The following SPIDR variants were observed in gnomAD, a reference collection of about 807,000 sequenced individuals.
SPIDR encodes scaffold protein involved in DNA repair.
In SPIDR, 93 loss-of-function variants were observed where a neutral mutation model predicts 104.6. The ratio of observed to expected loss-of-function variants is 0.89; its 90% CI spans 0.75 to 1.06. The LOEUF is 1.06. Ranked by LOEUF, SPIDR falls within the 50% of genes least tolerant of loss-of-function variation. The pLI is 0.00. For missense variants in SPIDR, 1,154 were observed against 1,111.2 expected (o/e 1.04, Z -0.55); for synonymous variants, 431 against 416.9 (o/e 1.03, Z -0.41).
chr8:47,601,035 A>G (rs1044773896), intron 10 of SPIDR, among the ~76,000 whole-genome samples: 2 of 152,236 alleles, frequency 1.3e-5, no homozygotes, highest in African/African-American at 4.8e-5. Context: ...AGAAGCTAAA[A>G]TCTGGTGAAA....
chr8:47,280,153 G>T, intron 2 of SPIDR, 136 bp downstream of exon 2: 1 of 741,826 alleles, frequency 1.3e-6, no homozygotes, highest in South Asian at 4.8e-5. Flanking sequence ...TCCTTTTCTT[G>T]CCTTTCATTC....
chr8:47,487,756 C>T (rs1318659301), intron 8 of SPIDR, among the ~76,000 whole-genome samples: 1 of 152,180 alleles, frequency 6.6e-6, no homozygotes, highest in Non-Finnish European at 1.5e-5. Flanking sequence ...TGAATGACTA[C>T]TGGGTACATA....
At chr8:47,307,870 A>T (rs1252461948) in intron 5 of SPIDR, among the ~76,000 whole-genome samples, 1 of 152,128 alleles carries the variant, frequency 6.6e-6, no homozygotes, top group Non-Finnish European at 1.5e-5. Context: ...AACAGTTGTC[A>T]TAAAGTCTTT....
At chr8:47,572,870 G>A (rs931902146) in intron 8 of SPIDR, among the ~76,000 whole-genome samples, 1 of 152,014 alleles carries the variant, frequency 6.6e-6, no homozygotes, top group Non-Finnish European at 1.5e-5. Context: ...TGGACCAGGG[G>A]CAGTGCCGCT....
Position 47,295,555 on chromosome 8 carries a change from A to G in SPIDR, c.525+1525A>G, listed in dbSNP as rs1408352908. ...CCCCATGTAAGTAAGATCATGCTGT[A>G]TTTGTCTTTGTGTGCCTGGCTTATC... On this transcript the variant is annotated intron_variant, in intron 5 of 19. Coordinates refer to ENST00000297423, the MANE Select transcript of SPIDR (RefSeq NM_001080394.4). 9.2e-5 allele frequency among the ~76,000 whole-genome samples: 14 copies of G among 152,136 alleles called. No individual in the cohort carries two copies. In the East Asian group the frequency reaches 2.5e-3, roughly 27 times the overall value.
At chr8:47,354,493 A>G (rs2054150456) in intron 5 of SPIDR, among the ~76,000 whole-genome samples, 1 of 152,088 alleles carries the variant, frequency 6.6e-6, no homozygotes, top group Non-Finnish European at 1.5e-5. Context: ...TTTTTAAAAA[A>G]TTTGATTTCT....
intron 8 of SPIDR, among the ~76,000 whole-genome samples, chr8:47,486,301 G>C (rs1331356994): frequency 6.6e-6 from 1 of 152,114 alleles, no homozygotes; most frequent in African/African-American, 2.4e-5. Flanking sequence ...GAAGTTTAGA[G>C]AAAAAAGAGC....
chr8:47,273,819 C>T lies in SPIDR; in HGVS notation c.34-6043C>T, dbSNP rs1056527956. 5.1e-4 allele frequency among the ~76,000 whole-genome samples: 78 copies of T among 152,276 alleles called. 1 individual carries two copies. The highest frequency in any genetic ancestry group is 6.8e-3 in the Middle Eastern group (2 of 294). On this transcript the variant is annotated intron_variant, in intron 1 of 19. Transcript: ENST00000297423. Reference sequence around the variant, plus strand: ...GTGTTGCACAGGCTGGTCTCAAATTCAGGCTCAAGAGATCCTCCATCCTCG... The same window carrying T: ...GTGTTGCACAGGCTGGTCTCAAATTTAGGCTCAAGAGATCCTCCATCCTCG...
At chr8:47,431,196 A>G (rs1339018385) in intron 7 of SPIDR, among the ~76,000 whole-genome samples, 1 of 152,192 alleles carries the variant, frequency 6.6e-6, no homozygotes, top group African/African-American at 2.4e-5. Flanking sequence ...GTGTGTGTGC[A>G]TGGAAAGAAC....
chr8:47,499,097 G>A (rs1007757291), intron 8 of SPIDR, among the ~76,000 whole-genome samples: 1 of 152,168 alleles, frequency 6.6e-6, no homozygotes. Context: ...ATGTGGATCA[G>A]TGAGCCTTTA....
At chr8:47,274,988 G>A (rs1488492670) in intron 1 of SPIDR, among the ~76,000 whole-genome samples, 4 of 151,708 alleles carry the variant, frequency 2.6e-5, no homozygotes, top group Non-Finnish European at 5.9e-5. Flanking sequence ...GGCCCAGCGC[G>A]GTGGCTCACG....
At chr8:47,441,203 G>A (rs1393897265) in intron 8 of SPIDR, among the ~76,000 whole-genome samples, 1 of 152,100 alleles carries the variant, frequency 6.6e-6, no homozygotes, top group Non-Finnish European at 1.5e-5. Context: ...ATTATTGCTG[G>A]ATCAGTGCTT....
chr8:47,346,704 C>T (rs1387187268), intron 5 of SPIDR, among the ~76,000 whole-genome samples: 1 of 152,138 alleles, frequency 6.6e-6, no homozygotes, highest in Non-Finnish European at 1.5e-5. Flanking sequence ...TGTATGTTTG[C>T]AGGAATTTAC....
intron 8 of SPIDR, among the ~76,000 whole-genome samples, chr8:47,570,348 C>A (rs1437295836): frequency 1.3e-5 from 2 of 152,128 alleles, no homozygotes; most frequent in African/African-American, 4.8e-5. Flanking sequence ...GGTGCTGGGA[C>A]TACCAGATAT....
intron 7 of SPIDR, among the ~76,000 whole-genome samples, chr8:47,426,407 C>CT (rs11348442): frequency 1.5e-4 from 23 of 149,448 alleles, no homozygotes; most frequent in South Asian, 4.2e-4. Context: ...TTTGGCTTAT[C>CT]TTTTTTTTTT....
At chr8:47,461,662 A>C (rs570041103) in intron 8 of SPIDR, among the ~76,000 whole-genome samples, 2 of 152,184 alleles carry the variant, frequency 1.3e-5, no homozygotes, top group South Asian at 4.1e-4. Flanking sequence ...AGTTAATTCA[A>C]AAACCTTGTC....
intron 11 of SPIDR, chr8:47,697,972 C>T (rs2079595958): frequency 6.6e-6 from 1 of 152,146 alleles, no homozygotes; most frequent in African/African-American, 2.4e-5. Flanking sequence ...TCCTTGTCTG[C>T]TCCACAAACT....
chr8:47,683,569 G>C (rs2077361155), intron 11 of SPIDR, among the ~76,000 whole-genome samples: 2 of 152,160 alleles, frequency 1.3e-5, no homozygotes, highest in Admixed American at 1.3e-4. Context: ...TTAGGACTAG[G>C]AGTGTTTCAA....
intron 5 of SPIDR, among the ~76,000 whole-genome samples, chr8:47,340,415 G>C (rs1554613099): frequency 6.6e-6 from 1 of 152,068 alleles, no homozygotes; most frequent in Non-Finnish European, 1.5e-5. Context: ...GATGAGGCTG[G>C]CTAACATGGC....
Sources: gnomAD v4.1 joint callset for allele counts (sites outside exome capture counted in the v4.1 genomes callset) on GRCh38, gnomAD v4.1.1 for gene constraint, MANE v1.5 for transcripts, NCBI Gene and HGNC (gene_info 2026-07-23, HGNC 2026-07-21) for gene names.